The following ZNF44 variants were observed in gnomAD, a reference collection of about 807,000 sequenced individuals.
ZNF44 encodes gonadotropin inducible transcription repressor-2.
Under a neutral mutation model 11.7 loss-of-function variants are expected in ZNF44, and 9 were observed. The observed-to-expected ratio is 0.77, with a 90% CI of 0.46 to 1.35. ZNF44 has a LOEUF of 1.35. Ranked by LOEUF, ZNF44 falls within the 40% of genes most tolerant of loss-of-function variation. ZNF44 has a pLI of 0.00. For missense variants in ZNF44, 696 were observed against 743.1 expected (o/e 0.94, Z 0.74); for synonymous variants, 224 against 242.7 (o/e 0.92, Z 0.72).
chr19:12,249,979 T>C, exon 7 of ZNF44: 1 of 1,260,402 alleles, frequency 7.9e-7, no homozygotes, highest in Non-Finnish European at 1.0e-6. Context: ...GTGACTCACC[T>C]GAGATTTCTC....
At chr19:12,284,334 C>A in intron 1 of ZNF44, 1 of 514,884 alleles carries the variant, frequency 1.9e-6, no homozygotes. Context: ...AAGAAAACAC[C>A]AAATGGCTGA....
chr19:12,249,073 C>T (rs751436395), intron 7 of ZNF44, among the ~76,000 whole-genome samples: 25 of 152,004 alleles, frequency 1.6e-4, no homozygotes, highest in African/African-American at 7.2e-5. Flanking sequence ...CCATTGCGCC[C>T]GGCTACTTTT....
At chr19:12,284,522 C>A in intron 1 of ZNF44, 1 of 692,940 alleles carries the variant, frequency 1.4e-6, no homozygotes, top group South Asian at 1.4e-5. Flanking sequence ...TGGTCAAGGA[C>A]ATGAAGATCT....
Position 12,273,607 on chromosome 19 carries a change from T to C in ZNF44, c.648A>G (p.Glu216=), listed in dbSNP as rs530116233. Residue 216 remains glutamate, a synonymous_variant, in exon 4 of 4, where the codon GAA becomes GAG. Coordinates refer to ENST00000355684, the MANE Select transcript of ZNF44 (RefSeq NM_016264.4). The part of the protein sequence containing the change: ...FFWPSLLRMH[E]RTHTGEKPYE... ...ATGGTTTCTCTCCAGTGTGAGTTCT[T>C]TCATGCATACGTAATAAACTGGGCC... The C allele has an allele frequency of 6.2e-7, 1 of 1,614,152 alleles. No individual in the cohort carries two copies. The highest frequency in any genetic ancestry group is 1.7e-5 in the Admixed American group (1 of 60,008).
At chr19:12,283,143 T>C (rs115510631) in intron 1 of ZNF44, among the ~76,000 whole-genome samples, 219 of 152,302 alleles carry the variant, frequency 1.4e-3, no homozygotes, top group African/African-American at 4.9e-3. Context: ...TCAATGGCCT[T>C]ATTTTTGGTA....
chr19:12,254,092 A>G (rs1917140088), intron 5 of ZNF44, among the ~76,000 whole-genome samples: 5 of 152,154 alleles, frequency 3.3e-5, no homozygotes, highest in Admixed American at 2.0e-4. Context: ...ATACTTCTCA[A>G]GTTCACATGG....
intron 5 of ZNF44, among the ~76,000 whole-genome samples, chr19:12,259,915 C>T (rs1418329698): frequency 6.6e-6 from 1 of 152,146 alleles, no homozygotes; most frequent in Non-Finnish European, 1.5e-5. Flanking sequence ...CTCAGTCCAT[C>T]ATCTAATGGC....
At chr19:12,261,461 C>T (rs1024071196) in intron 5 of ZNF44, among the ~76,000 whole-genome samples, 1 of 152,172 alleles carries the variant, frequency 6.6e-6, no homozygotes. Context: ...TAGCCAGACC[C>T]CATCTCTATA....
exon 8 of ZNF44, chr19:12,247,791 G>A (rs746681169): frequency 1.1e-4 from 143 of 1,302,386 alleles, no homozygotes; most frequent in Non-Finnish European, 1.4e-4. Context: ...TTTATCTCCA[G>A]TGTGAGTACT....
At chr19:12,247,645 G>T in exon 8 of ZNF44, 3 of 1,343,664 alleles carry the variant, frequency 2.2e-6, no homozygotes, top group East Asian at 4.8e-5. Context: ...TCATGTCTTC[G>T]GGCAGAACTG....
In ZNF44 at chr19:12,273,751, G is replaced by A. The variant is rs780956936; in HGVS notation, c.504C>T (p.Pro168=). The change falls in exon 4 of 4, where the codon CCC becomes CCT. Residue 168 remains proline (P), a synonymous_variant. Transcript: ENST00000355684. Reference sequence around the variant, plus strand: ...TTTTTCCACATTCCTTACAATCATAGGGTTTCTTTCCAGTGTGAGGCCTTT... The same window carrying A: ...TTTTTCCACATTCCTTACAATCATAAGGTTTCTTTCCAGTGTGAGGCCTTT... The part of the protein sequence containing the change: ...TCERPHTGKK[P]YDCKECGKTF... The A allele has an allele frequency of 6.2e-7, 1 of 1,614,130 alleles. No homozygotes were observed. The highest frequency in any genetic ancestry group is 1.7e-5 in the Admixed American group (1 of 60,016).
intron 2 of ZNF44, among the ~76,000 whole-genome samples, chr19:12,231,755 T>C (rs983544813): frequency 6.6e-6 from 1 of 152,330 alleles, no homozygotes; most frequent in South Asian, 2.1e-4. Flanking sequence ...TCAGATAGTA[T>C]TGTTAGAAAG....
At chr19:12,250,321 T>C in exon 6 of ZNF44, 9 of 1,367,240 alleles carry the variant, frequency 6.6e-6, no homozygotes, top group Non-Finnish European at 7.8e-6. Context: ...GCAAAGTCCA[T>C]TCCTCCTGGG....
chr19:12,233,224 C>T (rs1916233765), intron 2 of ZNF44, among the ~76,000 whole-genome samples: 1 of 152,126 alleles, frequency 6.6e-6, no homozygotes, highest in Non-Finnish European at 1.5e-5. Context: ...ATAACCTCCC[C>T]TCTGCCCAGA....
chr19:12,271,635 T>G (rs1316071828), downstream of ZNF44, among the ~76,000 whole-genome samples: 2 of 152,338 alleles, frequency 1.3e-5, no homozygotes, highest in South Asian at 2.1e-4. Flanking sequence ...TGGTTGGTGT[T>G]AACACATTCT....
At chr19:12,278,437 CTT>C (rs971370273) in intron 1 of ZNF44, among the ~76,000 whole-genome samples, 4 of 152,156 alleles carry the variant, frequency 2.6e-5, no homozygotes, top group Non-Finnish European at 5.9e-5. Flanking sequence ...GTGTGTGTGT[CTT>C]TAATTCCTCT....
At chr19:12,287,998 A>G (rs115755661) in intron 1 of ZNF44, among the ~76,000 whole-genome samples, 1,617 of 152,288 alleles carry the variant, frequency 0.011, 25 homozygotes, top group African/African-American at 0.036. Context: ...TTTATCTAAC[A>G]TTACTTCTGA....
intron 5 of ZNF44, among the ~76,000 whole-genome samples, chr19:12,265,177 G>A (rs1917678849): frequency 1.3e-5 from 2 of 152,022 alleles, no homozygotes; most frequent in Admixed American, 6.6e-5. Flanking sequence ...CCAACATTTT[G>A]GGAGGATCAC....
intron 5 of ZNF44, among the ~76,000 whole-genome samples, chr19:12,260,760 C>G (rs951219047): frequency 2.0e-5 from 3 of 152,174 alleles, no homozygotes; most frequent in Non-Finnish European, 4.4e-5. Context: ...TCAGCTGAAC[C>G]TAGAACCAGA....
Sources: gnomAD v4.1 joint callset for allele counts (sites outside exome capture counted in the v4.1 genomes callset) on GRCh38, gnomAD v4.1.1 for gene constraint, MANE v1.5 for transcripts, NCBI Gene and HGNC (gene_info 2026-07-23, HGNC 2026-07-21) for gene names.